The following TEX2 variants were observed in gnomAD, a reference collection of about 807,000 sequenced individuals.
TEX2 encodes testis expressed 2, also known as testis-expressed protein 2.
In TEX2, 53 loss-of-function variants were observed where a neutral mutation model predicts 106.9. The ratio of observed to expected loss-of-function variants is 0.50; its 90% CI spans 0.40 to 0.62. TEX2 has a LOEUF of 0.62. Among genes scored for constraint, TEX2 ranks in the 20% least tolerant of loss-of-function variants. The pLI, the probability that TEX2 is intolerant of heterozygous loss-of-function variation, is 0.00. For synonymous variants in TEX2, 523 were observed against 534.8 expected (o/e 0.98, Z 0.30); for missense variants, 1,207 against 1,379.0 (o/e 0.88, Z 1.98).
chr17:64,156,229 T>C (rs2030621431), intron 8 of TEX2: 1 of 152,244 alleles, frequency 6.6e-6, no homozygotes, highest in South Asian at 2.1e-4. Context: ...CCCTGTGCAC[T>C]GGGAGGGTAG....
intron 4 of TEX2, 87 bp downstream of exon 4, chr17:64,193,466 TCCTTCC>T: frequency 8.8e-6 from 7 of 794,440 alleles, no homozygotes; most frequent in African/African-American, 6.5e-5. Flanking sequence ...AGGGTGGGCT[TCCTTCC>T]TTCCTTCCTT....
intron 1 of TEX2, among the ~76,000 whole-genome samples, chr17:64,250,881 A>G (rs2034077321): frequency 6.6e-6 from 1 of 152,048 alleles, no homozygotes; most frequent in Admixed American, 6.6e-5. Context: ...TTGTAGAGAC[A>G]GGGTTTCACC....
At chr17:64,167,840 T>C (rs1288997879) in intron 7 of TEX2, among the ~76,000 whole-genome samples, 2 of 151,702 alleles carry the variant, frequency 1.3e-5, no homozygotes, top group Non-Finnish European at 2.9e-5. Context: ...GAATCCCTAT[T>C]TGAGAGATGA....
chr17:64,171,203 G>C lies in TEX2; in HGVS notation c.2572-4C>G. 6.2e-7 allele frequency: 1 copy of C among 1,613,270 alleles called. No individual in the cohort carries two copies. Among genetic ancestry groups the C allele is most frequent in the Non-Finnish European group, 8.5e-7 (1 of 1,179,348 alleles). On this transcript the variant is annotated splice_polypyrimidine_tract_variant and splice_region_variant and intron_variant, in intron 6 of 11. Transcript: ENST00000584379. Reference sequence around the variant, plus strand: ...GCTCATTCATAAAGTAGGGGAGCTAGAGGAAACAAGCAAACAATGAGTGAG... The same window carrying C: ...GCTCATTCATAAAGTAGGGGAGCTACAGGAAACAAGCAAACAATGAGTGAG...
At chr17:64,203,975 T>C (rs782342196) in intron 2 of TEX2, among the ~76,000 whole-genome samples, 1 of 152,154 alleles carries the variant, frequency 6.6e-6, no homozygotes, top group Non-Finnish European at 1.5e-5. Context: ...CAGACAGTAA[T>C]AGAATAGGAG....
intron 1 of TEX2, among the ~76,000 whole-genome samples, chr17:64,251,516 T>A (rs2034091160): frequency 6.6e-6 from 1 of 152,230 alleles, no homozygotes; most frequent in Non-Finnish European, 1.5e-5. Context: ...ACCAGTCCCT[T>A]CCTTCCAAAA....
rs1049296753 is a variant in TEX2, at chr17:64,185,365, C to A, written c.2424+2803G>T. Reference sequence around the variant, plus strand: ...ACCAGCAGCCTCCCTGGACTCACACCCCTGAGCAAATCTGCAGCTGACCTG... The same window carrying A: ...ACCAGCAGCCTCCCTGGACTCACACACCTGAGCAAATCTGCAGCTGACCTG... On this transcript the variant is annotated intron_variant, in intron 5 of 11. Transcript: ENST00000584379. This position sits in a 1 kb window ranked among gnomAD's most constrained non-coding sequence, Gnocchi z 4.0. Among the ~76,000 whole-genome samples, 5 of 152,160 alleles carry A rather than the reference C, an allele frequency of 3.3e-5. No individual in the cohort carries two copies. Among genetic ancestry groups the A allele is most frequent in the African/African-American group, 1.2e-4 (5 of 41,418 alleles).
At chr17:64,174,274 C>T (rs2331553) in intron 6 of TEX2, among the ~76,000 whole-genome samples, 108,340 of 152,066 alleles carry the variant, frequency 0.71, 38,706 homozygotes, top group East Asian at 0.83. Flanking sequence ...AACCTCTAGT[C>T]CCTGCAAAGG....
In TEX2 at chr17:64,209,132, T is replaced by C. The variant is rs574035002; in HGVS notation, c.1644+3442A>G. On this transcript the variant is annotated intron_variant, in intron 2 of 11. Coordinates refer to ENST00000584379, the MANE Select transcript of TEX2 (RefSeq NM_001288732.2). The stretch of plus-strand genomic sequence containing the variant: ...AGGGCCTATGCATTCATGAAGCTTA[T>C]GGAATATTAGGGAAGACAGATAACA... Among the ~76,000 whole-genome samples the C allele has an allele frequency of 3.9e-5, 6 of 152,298 alleles. No individual in the cohort carries two copies. The South Asian group carries it at 1.2e-3, about 32-fold the overall frequency.
chr17:64,180,025 C>T (rs1409642640), intron 5 of TEX2, among the ~76,000 whole-genome samples: 3 of 152,162 alleles, frequency 2.0e-5, no homozygotes, highest in African/African-American at 7.2e-5. Context: ...GACTGAACAT[C>T]TCCTTCCCAG....
At chr17:64,210,180 C>G in intron 2 of TEX2, among the ~76,000 whole-genome samples, 1 of 152,186 alleles carries the variant, frequency 6.6e-6, no homozygotes, top group East Asian at 1.9e-4. Flanking sequence ...CTGCACCACC[C>G]TATCAGAAAA....
At chr17:64,262,501 T>C (rs946849013) in intron 1 of TEX2, among the ~76,000 whole-genome samples, 1 of 152,218 alleles carries the variant, frequency 6.6e-6, no homozygotes, top group Non-Finnish European at 1.5e-5. Context: ...CCTTCTCCGG[T>C]TCCACCGTAT....
At chr17:64,192,646 C>T (rs2032339270) in intron 4 of TEX2, among the ~76,000 whole-genome samples, 1 of 152,184 alleles carries the variant, frequency 6.6e-6, no homozygotes, top group Non-Finnish European at 1.5e-5. Flanking sequence ...TTAAAAGGGA[C>T]TTCTTAGATC....
At chr17:64,260,797 C>G (rs1461346784) in intron 1 of TEX2, among the ~76,000 whole-genome samples, 2 of 152,070 alleles carry the variant, frequency 1.3e-5, no homozygotes, top group East Asian at 1.9e-4. Flanking sequence ...AAGGATCAGA[C>G]AGAAGAAAGC....
intron 5 of TEX2, among the ~76,000 whole-genome samples, chr17:64,181,211 T>C (rs11654729): frequency 0.85 from 128,836 of 152,044 alleles, 54,642 homozygotes; most frequent in Middle Eastern, 0.91. Flanking sequence ...GGCGTGGTGG[T>C]TCATGCCTGT....
In TEX2 at chr17:64,188,378, G is replaced by T. The variant is rs761252100; in HGVS notation, c.2214C>A (p.Ser738=). 2 of 1,614,212 alleles carry T rather than the reference G, an allele frequency of 1.2e-6. No individual in the cohort carries two copies. Among genetic ancestry groups the T allele is most frequent in the Non-Finnish European group, 8.5e-7 (1 of 1,180,048 alleles). The part of the protein sequence containing the change: ...LPAHSRHNSP[S]GHLTHSRSSS... ...TGCTGCGGCTGTGGGTCAGGTGCCC[G>T]GACGGACTGTTGTGTCTGCTGTGTG... Residue 738 remains serine, a synonymous_variant, in exon 5 of 12, where the codon TCC becomes TCA. Coordinates refer to ENST00000584379, the MANE Select transcript of TEX2 (RefSeq NM_001288732.2).
At chr17:64,156,263 CAGGAGCCGGCTGTAAG>C (rs1212833336) in intron 8 of TEX2, 1 of 152,362 alleles carries the variant, frequency 6.6e-6, no homozygotes, top group Non-Finnish European at 1.5e-5. Flanking sequence ...ACACTGGAAA[CAGGAGCCGGCTGTAAG>C]AGGACCCGGA....
chr17:64,221,083 C>T (rs1485558016), intron 1 of TEX2, among the ~76,000 whole-genome samples: 1 of 152,156 alleles, frequency 6.6e-6, no homozygotes, highest in African/African-American at 2.4e-5. Context: ...CCATTATCCT[C>T]AGCAAACTAA....
At chr17:64,192,218 C>T (rs2032326221) in intron 4 of TEX2, among the ~76,000 whole-genome samples, 1 of 152,210 alleles carries the variant, frequency 6.6e-6, no homozygotes. Flanking sequence ...TGTTAAAGTC[C>T]TAACCCCAGT....
Sources: allele counts gnomAD v4.1 joint callset (sites outside exome capture counted in the v4.1 genomes callset), GRCh38; gene constraint gnomAD v4.1.1; non-coding constraint Gnocchi (gnomAD v3.1); transcripts MANE v1.5; gene names NCBI Gene and HGNC (gene_info 2026-07-23, HGNC 2026-07-21).